Variants in FGGY observed in about 807,000 individuals in gnomAD.
The protein encoded by FGGY is FGGY carbohydrate kinase domain-containing protein.
FGGY carries 72 observed loss-of-function variants against 71.3 expected under a neutral mutation model. The observed-to-expected ratio is 1.01, with a 90% CI of 0.84 to 1.23. The LOEUF (loss-of-function observed/expected upper bound fraction) is 1.23, where lower values mean the gene tolerates loss of function less well. FGGY is among the 50% of genes most tolerant of loss of function. The pLI is 0.00. For synonymous variants in FGGY, 251 were observed against 250.3 expected, an observed-to-expected ratio of 1.00 and a Z score of -0.02; for missense variants, 668 against 682.3, an observed-to-expected ratio of 0.98 and a Z score of 0.23.
intron 3 of FGGY, among the ~76,000 whole-genome samples, chr1:59,340,767 A>G (rs1484636556): frequency 6.6e-6 from 1 of 152,220 alleles, no homozygotes; most frequent in Non-Finnish European, 1.5e-5. Flanking sequence ...AATAATTAAT[A>G]CATTAGTCAG....
At chr1:59,662,657 C>G (rs995958856) in intron 12 of FGGY, among the ~76,000 whole-genome samples, 2 of 152,130 alleles carry the variant, frequency 1.3e-5, no homozygotes, top group African/African-American at 4.8e-5. Flanking sequence ...TAGATATGTT[C>G]AGATACACAA....
Position 59,300,992 on chromosome 1 carries a change from C to T in FGGY, c.-15+3842C>T, listed in dbSNP as rs573084003. On this transcript the variant is annotated intron_variant, in intron 1 of 15. Transcript: ENST00000303721. ...ATATGAATTTTATAATCACTTTGTC[C>T]ATTTCAAAATAAGGCCTATTTAGAT... 7.8e-4 allele frequency among the ~76,000 whole-genome samples: 119 copies of T among 152,000 alleles called. 3 individuals carry two copies. In the South Asian group the frequency reaches 0.025, roughly 31 times the overall value.
chr1:59,706,089 G>A (rs183858999), intron 14 of FGGY, among the ~76,000 whole-genome samples: 225 of 152,290 alleles, frequency 1.5e-3, no homozygotes, highest in African/African-American at 5.0e-3. Flanking sequence ...TCCTGTCTAC[G>A]TGGGTGGAGA....
At chr1:59,439,155 C>T (rs1572162213) in intron 5 of FGGY, among the ~76,000 whole-genome samples, 1 of 152,212 alleles carries the variant, frequency 6.6e-6, no homozygotes, top group East Asian at 1.9e-4. Context: ...GGCCCATTTT[C>T]TCTCCTCCAG....
intron 5 of FGGY, among the ~76,000 whole-genome samples, chr1:59,382,970 G>A (rs966258993): frequency 6.6e-6 from 1 of 152,140 alleles, no homozygotes; most frequent in South Asian, 2.1e-4. Flanking sequence ...CAGATAAAGT[G>A]TGGTGGCATG....
chr1:59,316,890 A>G (rs1274256456), intron 1 of FGGY, among the ~76,000 whole-genome samples: 1 of 152,046 alleles, frequency 6.6e-6, no homozygotes, highest in Non-Finnish European at 1.5e-5. Context: ...CACCCTCCCC[A>G]TATCCCTAAC....
intron 5 of FGGY, among the ~76,000 whole-genome samples, chr1:59,394,979 C>T (rs1434193814): frequency 1.3e-5 from 2 of 151,830 alleles, no homozygotes; most frequent in Non-Finnish European, 2.9e-5. Context: ...ATCATTTGCC[C>T]TTTTTTCTGC....
In FGGY at chr1:59,533,655, C is replaced by T. The variant is rs1376988507; in HGVS notation, c.800-20469C>T. ...CAGCACGCAGCTGGAGACCTGAGAA[C>T]GGGCAGACTGCCTCCTTAAGTGGGT... On this transcript the variant is annotated intron_variant, in intron 7 of 15. Transcript: ENST00000303721. Among the ~76,000 whole-genome samples the T allele has an allele frequency of 4.6e-5, 7 of 152,320 alleles. No individual in the cohort carries two copies. The South Asian group carries it at 8.3e-4, about 18-fold the overall frequency.
At chr1:59,530,642 A>G (rs1015897695) in intron 7 of FGGY, among the ~76,000 whole-genome samples, 1 of 152,248 alleles carries the variant, frequency 6.6e-6, no homozygotes, top group African/African-American at 2.4e-5. Flanking sequence ...ATAGGAATTT[A>G]TCAGATGGAC....
intron 7 of FGGY, among the ~76,000 whole-genome samples, chr1:59,520,948 G>A (rs2094810067): frequency 6.6e-6 from 1 of 151,630 alleles, no homozygotes; most frequent in South Asian, 2.1e-4. Flanking sequence ...GCCAGGCGCT[G>A]GCCAAAAGCT....
intron 11 of FGGY, among the ~76,000 whole-genome samples, chr1:59,658,460 A>G (rs1238243299): frequency 2.0e-5 from 3 of 152,338 alleles, no homozygotes; most frequent in Non-Finnish European, 2.9e-5. Flanking sequence ...ATTATTTGCC[A>G]AGAAAAACTG....
At chr1:59,716,269 G>A (rs1044844677) in intron 14 of FGGY, among the ~76,000 whole-genome samples, 1 of 152,128 alleles carries the variant, frequency 6.6e-6, no homozygotes, top group Non-Finnish European at 1.5e-5. Context: ...TGTTTTATTA[G>A]CATGGTATTC....
intron 14 of FGGY, among the ~76,000 whole-genome samples, chr1:59,748,431 G>C (rs563405100): frequency 6.6e-6 from 1 of 152,126 alleles, no homozygotes. Flanking sequence ...TATGGAAAAA[G>C]CCAGACAGTC....
intron 10 of FGGY, among the ~76,000 whole-genome samples, chr1:59,627,454 T>TTATA (rs60500862): frequency 0.018 from 1,754 of 97,036 alleles, 12 homozygotes; most frequent in South Asian, 0.029. Context: ...ACTTATGATT[T>TTATA]TATATATATA....
At chr1:59,507,371 G>A (rs1038764841) in intron 6 of FGGY, among the ~76,000 whole-genome samples, 1 of 152,150 alleles carries the variant, frequency 6.6e-6, no homozygotes, top group Admixed American at 6.5e-5. Context: ...AGTTACAAAC[G>A]GACACCTTTA....
At chr1:59,348,301 T>C (rs2052530061) in intron 4 of FGGY, among the ~76,000 whole-genome samples, 1 of 152,156 alleles carries the variant, frequency 6.6e-6, no homozygotes, top group South Asian at 2.1e-4. Flanking sequence ...AACTTATTAA[T>C]ATTTGGCCTT....
chr1:59,650,426 G>A (rs1434771037), intron 11 of FGGY, among the ~76,000 whole-genome samples: 12 of 116,292 alleles, frequency 1.0e-4, no homozygotes, highest in African/African-American at 5.3e-4. Context: ...CTCAATTTCA[G>A]AGCCTGTTAT....
intron 7 of FGGY, among the ~76,000 whole-genome samples, chr1:59,545,395 G>T (rs751365235): frequency 1.6e-4 from 25 of 151,934 alleles, no homozygotes; most frequent in Non-Finnish European, 2.4e-4. Flanking sequence ...AGTAATTTTT[G>T]TGAGTTAACT....
chr1:59,660,266 C>T lies in FGGY; in HGVS notation c.1269C>T (p.Leu423=). 6.2e-7 allele frequency: 1 copy of T among 1,613,436 alleles called. No individual in the cohort carries two copies. The highest frequency in any genetic ancestry group is 8.5e-7 in the Non-Finnish European group (1 of 1,180,004). Reference sequence around the variant, plus strand: ...AGGACCTTGATGATCTTGCCATTCTCTACCTGGCCACAGTTCAAGCCATTG... The same window carrying T: ...AGGACCTTGATGATCTTGCCATTCTTTACCTGGCCACAGTTCAAGCCATTG... The part of the protein sequence containing the change: ...LSQDLDDLAI[L]YLATVQAIAL... The change falls in exon 12 of 16, where the codon CTC becomes CTT. Residue 423 remains leucine (L), a synonymous_variant. Transcript: ENST00000303721.
Sources: gnomAD v4.1 joint callset for allele counts (sites outside exome capture counted in the v4.1 genomes callset) on GRCh38, gnomAD v4.1.1 for gene constraint, MANE v1.5 for transcripts, NCBI Gene and HGNC (gene_info 2026-07-23, HGNC 2026-07-21) for gene names.